TENM4: variants seen among roughly 807,000 people sequenced by gnomAD.
TENM4 encodes the protein teneurin transmembrane protein 4.
Under a neutral mutation model 243.3 loss-of-function variants are expected in TENM4, and 82 were observed. The observed-to-expected ratio is 0.34, with a 90% confidence interval of 0.28 to 0.40. TENM4 has a LOEUF of 0.40. TENM4 is among the 10% of genes least tolerant of loss of function. The probability of loss-of-function intolerance (pLI) is 1.00; values close to 1 mark genes in which losing one functional copy is unlikely to be tolerated. For synonymous variants in TENM4, 1,412 were observed against 1,456.3 expected, an observed-to-expected ratio of 0.97 and a Z score of 0.69; for missense variants, 3,138 against 3,673.3, an observed-to-expected ratio of 0.85 and a Z score of 3.77.
At chr11:78,698,829 G>T (rs1440111741) in intron 28 of TENM4, among the ~76,000 whole-genome samples, 1 of 152,210 alleles carries the variant, frequency 6.6e-6, no homozygotes, top group Non-Finnish European at 1.5e-5. Context: ...GTGAAAATAG[G>T]TGTCTGGCAC....
chr11:79,302,038 C>A (rs1430500147), intron 1 of TENM4, among the ~76,000 whole-genome samples: 6 of 152,190 alleles, frequency 3.9e-5, no homozygotes, highest in Non-Finnish European at 7.3e-5. Context: ...TTGGTCTCTC[C>A]TGTCTACCAC....
rs1861061713 is a variant in TENM4 at position 79,095,741 on chromosome 11, A to C, written c.-65-25732T>G. Among the ~76,000 whole-genome samples the C allele has an allele frequency of 2.6e-5, 4 of 152,258 alleles. No individual in the cohort carries two copies. The South Asian group carries it at 8.3e-4, about 32-fold the overall frequency. ...GTAGTACTAGTTTCCATTTAAAGAC[A>C]CATGCCCAAGAGGTGCTGGGTCACT... On this transcript the variant is annotated intron_variant, in intron 4 of 33. Coordinates refer to ENST00000278550, the MANE Select transcript of TENM4 (RefSeq NM_001098816.3).
At chr11:78,878,351 T>C (rs1490521869) in intron 9 of TENM4, among the ~76,000 whole-genome samples, 1 of 152,116 alleles carries the variant, frequency 6.6e-6, no homozygotes, top group Non-Finnish European at 1.5e-5. Flanking sequence ...AATCTAATGC[T>C]GGGGACAGAT....
chr11:78,903,182 A>T, intron 7 of TENM4, 86 bp downstream of exon 7: 2 of 1,423,490 alleles, frequency 1.4e-6, no homozygotes, highest in Admixed American at 6.7e-5. Flanking sequence ...ATCTGGGGAC[A>T]CTGAATGGCC....
At position 78,805,277 on chromosome 11, in the gene TENM4, T is replaced by TGCCCC; in HGVS notation, c.2179+14_2179+15insGGGGC. On this transcript the variant is annotated intron_variant, in intron 15 of 33. Transcript: ENST00000278550. ...CCCCTCCCTCTACCCATGCTTCTTC[T>TGCCCC]CCCCCTGCATTTACCGATAGAACAG... 212 of 1,402,212 alleles carry TGCCCC rather than the reference T, an allele frequency of 1.5e-4. No individual in the cohort carries two copies. The highest frequency in any genetic ancestry group is 2.1e-4 in the Middle Eastern group (1 of 4,800). 86.9% of individuals were successfully genotyped at this position (1,402,212 alleles called of 1,614,324 possible).
At chr11:78,870,273 A>G (rs1859088497) in intron 9 of TENM4, among the ~76,000 whole-genome samples, 1 of 152,138 alleles carries the variant, frequency 6.6e-6, no homozygotes, top group South Asian at 2.1e-4. Context: ...TCCTATATCT[A>G]CTGAAAACTT....
At chr11:79,048,845 T>TG (rs920748316) in intron 6 of TENM4, among the ~76,000 whole-genome samples, 3 of 152,152 alleles carry the variant, frequency 2.0e-5, no homozygotes, top group Non-Finnish European at 4.4e-5. Context: ...TGTTACAGGA[T>TG]GGGCAGGGGC....
intron 1 of TENM4, among the ~76,000 whole-genome samples, chr11:79,424,672 C>T (rs552609685): frequency 9.3e-5 from 14 of 150,994 alleles, no homozygotes; most frequent in African/African-American, 3.2e-4. Context: ...CAGAGGCTCA[C>T]GCCTGTAATC....
At chr11:79,011,854 T>G (rs1310369830) in intron 6 of TENM4, among the ~76,000 whole-genome samples, 1 of 152,224 alleles carries the variant, frequency 6.6e-6, no homozygotes, top group Non-Finnish European at 1.5e-5. Context: ...CTTCTTACTT[T>G]TCAAAAATCC....
At chr11:79,290,061 G>T (rs1419027988) in intron 2 of TENM4, among the ~76,000 whole-genome samples, 4 of 151,978 alleles carry the variant, frequency 2.6e-5, no homozygotes, top group Non-Finnish European at 5.9e-5. Flanking sequence ...CTCCCAAAGG[G>T]TTGGGATTAC....
chr11:79,350,637 A>C (rs1412103401), intron 1 of TENM4, among the ~76,000 whole-genome samples: 2 of 148,160 alleles, frequency 1.3e-5, no homozygotes, highest in South Asian at 2.1e-4. Flanking sequence ...TGGGGGTCTC[A>C]CTGTGTCACC....
intron 10 of TENM4, among the ~76,000 whole-genome samples, chr11:78,859,357 A>G (rs1294800135): frequency 6.6e-6 from 1 of 152,230 alleles, no homozygotes; most frequent in Non-Finnish European, 1.5e-5. Flanking sequence ...TTAGGTCACA[A>G]TTAGGGCTCC....
Position 79,257,036 on chromosome 11 carries a change from GAT to G in TENM4, c.-265+40450_-265+40451del, listed in dbSNP as rs561755190. Reference sequence around the variant, plus strand: ...GATAAGCAGGAGTGGGCATGTTGTGGATATGAGAGACAGAGCAGTGAATGAAG... The same window carrying G: ...GATAAGCAGGAGTGGGCATGTTGTGGATGAGAGACAGAGCAGTGAATGAAG... On this transcript the variant is annotated intron_variant, in intron 2 of 33. Transcript: ENST00000278550. 1.5e-4 allele frequency among the ~76,000 whole-genome samples: 23 copies of G among 152,272 alleles called. 2 individuals carry two copies. The South Asian group carries it at 4.8e-3, about 32-fold the overall frequency.
intron 6 of TENM4, among the ~76,000 whole-genome samples, chr11:79,028,075 C>T (rs947791339): frequency 2.0e-5 from 3 of 152,148 alleles, no homozygotes; most frequent in Admixed American, 6.5e-5. Flanking sequence ...CCCAACTCTG[C>T]CACTGTGTGA....
At chr11:79,417,547 C>A (rs1858844798) in intron 1 of TENM4, among the ~76,000 whole-genome samples, 1 of 151,924 alleles carries the variant, frequency 6.6e-6, no homozygotes, top group Non-Finnish European at 1.5e-5. Context: ...TCGCATTCTG[C>A]TTCTAAAAGC....
intron 9 of TENM4, among the ~76,000 whole-genome samples, chr11:78,877,264 T>G (rs906234370): frequency 6.6e-6 from 1 of 152,196 alleles, no homozygotes; most frequent in East Asian, 1.9e-4. Context: ...GCTCCCTTCT[T>G]CCTTCCACCC....
At chr11:78,704,444 A>G (rs1388680624) in intron 27 of TENM4, among the ~76,000 whole-genome samples, 31 of 152,084 alleles carry the variant, frequency 2.0e-4, no homozygotes, top group Non-Finnish European at 1.5e-5. Flanking sequence ...ACCAACTCAA[A>G]TGCCCAACAA....
chr11:78,925,650 A>G (rs747847742), intron 6 of TENM4, among the ~76,000 whole-genome samples: 9 of 152,144 alleles, frequency 5.9e-5, no homozygotes, highest in Non-Finnish European at 1.3e-4. Flanking sequence ...GACCTCTCAC[A>G]TAGCCATGGG....
intron 6 of TENM4, among the ~76,000 whole-genome samples, chr11:78,958,921 A>G (rs1337629583): frequency 6.6e-6 from 1 of 152,250 alleles, no homozygotes; most frequent in African/African-American, 2.4e-5. Context: ...GAGATAGGGA[A>G]GAGAGATAGA....
Sources: allele counts gnomAD v4.1 joint callset (sites outside exome capture counted in the v4.1 genomes callset), GRCh38; gene constraint gnomAD v4.1.1; transcripts MANE v1.5; gene names NCBI Gene and HGNC (gene_info 2026-07-23, HGNC 2026-07-21).